Variants in VGLL3 observed in about 807,000 individuals in gnomAD.
VGLL3 encodes the protein transcription cofactor vestigial-like protein 3.
In VGLL3, 18 loss-of-function variants were observed where a neutral mutation model predicts 29.2. The observed-to-expected ratio is 0.62, with a 90% CI of 0.43 to 0.91. The LOEUF is 0.91. VGLL3 is among the 40% of genes least tolerant of loss of function. The pLI is 0.00. For missense variants in VGLL3, 440 were observed against 413.2 expected, an observed-to-expected ratio of 1.06 and a Z score of -0.56; for synonymous variants, 180 against 151.8, an observed-to-expected ratio of 1.19 and a Z score of -1.36.
In VGLL3 at chr3:86,940,506, A is replaced by G. The variant is rs1199627207; in HGVS notation, c.*6518T>C. 1 of 152,594 alleles carries G rather than the reference A, an allele frequency of 6.6e-6. No individual in the cohort carries two copies. The highest frequency in any genetic ancestry group is 1.5e-5 in the Non-Finnish European group (1 of 68,000). The allele number at this position is 152,594 out of a possible 1,614,324, so 9.5% of individuals were successfully genotyped here. ...CTAGAAATTAACTTCTTAATTAATA[A>G]CACCTAAGATGTTGTAATTTCCAAA... On this transcript the variant is annotated 3_prime_UTR_variant, in exon 4 of 4. Transcript: ENST00000398399.
chr3:86,938,794 T>C lies in VGLL3; in HGVS notation c.*8230A>G, dbSNP rs1704329976. Reference sequence around the variant, plus strand: ...TGGAGTGATTCAATCTGGACAAAAGTGTTAAAGCTTTACCACGTCAATGTG... The same window carrying C: ...TGGAGTGATTCAATCTGGACAAAAGCGTTAAAGCTTTACCACGTCAATGTG... On this transcript the variant is annotated 3_prime_UTR_variant, in exon 4 of 4. Transcript: ENST00000398399. 1.3e-5 allele frequency: 2 copies of C among 152,380 alleles called. No individual in the cohort carries two copies. The highest frequency in any genetic ancestry group is 4.8e-5 in the African/African-American group (2 of 41,456). 9.4% of individuals were successfully genotyped at this position (152,380 alleles called of 1,614,324 possible).
At chr3:86,972,038 G>C (rs938679971) in intron 2 of VGLL3, among the ~76,000 whole-genome samples, 2 of 152,166 alleles carry the variant, frequency 1.3e-5, no homozygotes, top group Non-Finnish European at 2.9e-5. Context: ...AAAGTACGGA[G>C]AGTATATACC....
intron 1 of VGLL3, among the ~76,000 whole-genome samples, chr3:86,986,008 A>T (rs1705432972): frequency 6.7e-6 from 1 of 148,400 alleles, no homozygotes; most frequent in African/African-American, 2.4e-5. Context: ...GCACAGATAG[A>T]TATGACAAAT....
intron 3 of VGLL3, among the ~76,000 whole-genome samples, chr3:86,960,932 G>GGTATATAT (rs1457503323): frequency 7.9e-4 from 109 of 137,938 alleles, no homozygotes; most frequent in African/African-American, 3.0e-3. Context: ...AAGTAATTGT[G>GGTATATAT]ATATATATAT....
Position 86,968,513 on chromosome 3 carries a change from T to C in VGLL3, c.937+77A>G. The C allele has an allele frequency of 2.0e-6, 3 of 1,475,294 alleles. No homozygotes were observed. In the South Asian group the frequency reaches 4.2e-5, roughly 20 times the overall value. 91.4% of individuals were successfully genotyped at this position (1,475,294 alleles called of 1,614,324 possible). A position where few individuals can be genotyped will look rare whatever the true frequency, so the allele number is the denominator to read the frequency against. The stretch of plus-strand genomic sequence containing the variant: ...GTTTAACTTTACAGATAAGAAAAAA[T>C]AATTTCAAAACAAATTTCCACCCTT... On this transcript the variant is annotated intron_variant, in intron 3 of 3. Transcript: ENST00000398399.
intron 1 of VGLL3, among the ~76,000 whole-genome samples, 161 bp from the exon 2 acceptor site, chr3:86,978,963 A>G (rs1402501656): frequency 6.6e-6 from 1 of 152,192 alleles, no homozygotes; most frequent in Non-Finnish European, 1.5e-5. Flanking sequence ...TCCCCAAACC[A>G]GTTGCCTCCT....
intron 2 of VGLL3, among the ~76,000 whole-genome samples, chr3:86,973,387 CT>C (rs1394426135): frequency 9.9e-5 from 15 of 152,242 alleles, no homozygotes; most frequent in African/African-American, 3.6e-4. Context: ...CTAAAGTGTT[CT>C]TGCTGTAATT....
intron 3 of VGLL3, among the ~76,000 whole-genome samples, chr3:86,952,171 A>T (rs13092192): frequency 6.6e-6 from 1 of 152,006 alleles, no homozygotes; most frequent in Non-Finnish European, 1.5e-5. Context: ...CTTTCAACTC[A>T]AATGGGATTT....
chr3:86,968,596 C>T lies in VGLL3; in HGVS notation c.931G>A (p.Asp311Asn), dbSNP rs373257893. 2.4e-5 allele frequency: 39 copies of T among 1,611,868 alleles called. No homozygotes were observed. The highest frequency in any genetic ancestry group is 1.1e-4 in the East Asian group (5 of 44,830). Residue 311 changes from aspartate to asparagine, a missense_variant, in exon 3 of 4, where the codon GAT (aspartate) becomes AAT (asparagine). Transcript: ENST00000398399. ...AAGAAATCCAGCAGCTTACCTGTAT[C>T]GAATCCCACGCTGGGCACTATGTCT... ...TVDIVPSVGFDTGLQHQDKSK... is the reference protein window; with the variant it reads ...TVDIVPSVGFNTGLQHQDKSK...
At chr3:86,981,438 T>C (rs1316839177) in intron 1 of VGLL3, among the ~76,000 whole-genome samples, 1 of 151,940 alleles carries the variant, frequency 6.6e-6, no homozygotes, top group East Asian at 1.9e-4. Context: ...TGTCATCAGT[T>C]TATTTTAGAA....
intron 3 of VGLL3, among the ~76,000 whole-genome samples, chr3:86,960,832 G>GT (rs1704821474): frequency 6.6e-6 from 1 of 151,264 alleles, no homozygotes; most frequent in South Asian, 2.1e-4. Context: ...TTAATGCCTA[G>GT]TTTTTTTGAG....
chr3:86,949,878 A>T (rs1704583009), intron 3 of VGLL3, among the ~76,000 whole-genome samples: 1 of 152,068 alleles, frequency 6.6e-6, no homozygotes, highest in Admixed American at 6.6e-5. Context: ...CAGGGCTACA[A>T]TTTTTTCTTA....
At chr3:86,980,028 T>A (rs538120800) in intron 1 of VGLL3, among the ~76,000 whole-genome samples, 1 of 152,198 alleles carries the variant, frequency 6.6e-6, no homozygotes, top group African/African-American at 2.4e-5. Flanking sequence ...GAATTACATA[T>A]AAGGAGATAA....
intron 3 of VGLL3, among the ~76,000 whole-genome samples, chr3:86,947,328 T>G (rs898265301): frequency 5.3e-5 from 8 of 152,188 alleles, no homozygotes; most frequent in African/African-American, 1.9e-4. Flanking sequence ...TTGCTATATT[T>G]TTTATTTGCT....
In VGLL3 at chr3:86,943,567, C is replaced by T. The variant is rs1277754647; in HGVS notation, c.*3457G>A. 2.0e-5 allele frequency: 3 copies of T among 152,056 alleles called. No homozygotes were observed. The highest frequency in any genetic ancestry group is 2.0e-4 in the Admixed American group (3 of 15,256). 9.4% of individuals were successfully genotyped at this position (152,056 alleles called of 1,614,324 possible). ...AAATCCCTCAATTATTTGCAATCCA[C>T]TCCTCATTTTGCAAATTTTAGAGCA... On this transcript the variant is annotated 3_prime_UTR_variant, in exon 4 of 4. Coordinates refer to ENST00000398399, the MANE Select transcript of VGLL3 (RefSeq NM_016206.4).
chr3:86,945,137 A>G lies in VGLL3; in HGVS notation c.*1887T>C, dbSNP rs1356225426. On this transcript the variant is annotated 3_prime_UTR_variant, in exon 4 of 4. Coordinates refer to ENST00000398399, the MANE Select transcript of VGLL3 (RefSeq NM_016206.4). ...AAGGTATCTTAAATTTGGACCCCACAATGGTAAAAATGTGCATATTGTGTA... is the reference window on the plus strand; with the variant it reads ...AAGGTATCTTAAATTTGGACCCCACGATGGTAAAAATGTGCATATTGTGTA... 1 of 152,216 alleles carries G rather than the reference A, an allele frequency of 6.6e-6. No homozygotes were observed. Among genetic ancestry groups the G allele is most frequent in the Non-Finnish European group, 1.5e-5 (1 of 68,048 alleles). 9.4% of individuals were successfully genotyped at this position (152,216 alleles called of 1,614,324 possible).
chr3:86,976,708 TA>T (rs969883811), intron 2 of VGLL3, among the ~76,000 whole-genome samples: 5 of 152,200 alleles, frequency 3.3e-5, no homozygotes, highest in Non-Finnish European at 5.9e-5. Flanking sequence ...AACATCCCAC[TA>T]AAAATTATTT....
At chr3:86,990,584 C>T in intron 1 of VGLL3, 34 bp downstream of exon 1, 1 of 1,317,596 alleles carries the variant, frequency 7.6e-7, no homozygotes, top group East Asian at 2.8e-5. Flanking sequence ...CCCTTCGCCC[C>T]CGCCCCCAGC....
chr3:86,969,188 T>C (rs1330226438), intron 2 of VGLL3, 65 bp from the exon 3 acceptor site: 1 of 1,488,548 alleles, frequency 6.7e-7, no homozygotes, highest in South Asian at 1.4e-5. Flanking sequence ...GACTTGCCTC[T>C]AATTGTCCAC....
Sources: allele counts gnomAD v4.1 joint callset (sites outside exome capture counted in the v4.1 genomes callset), GRCh38; gene constraint gnomAD v4.1.1; transcripts MANE v1.5; gene names NCBI Gene and HGNC (gene_info 2026-07-23, HGNC 2026-07-21).